CPT1A: variants seen among roughly 807,000 people sequenced by gnomAD.
The protein encoded by CPT1A is carnitine O-palmitoyltransferase 1, liver isoform.
In CPT1A, 64 loss-of-function variants were observed where a neutral mutation model predicts 100.8. That is an observed-to-expected ratio of 0.63 (90% CI 0.52 to 0.78). CPT1A has a LOEUF of 0.78. Ranked by LOEUF, CPT1A falls within the 30% of genes least tolerant of loss-of-function variation. The pLI, the probability that CPT1A is intolerant of heterozygous loss-of-function variation, is 0.00. For missense variants in CPT1A, 802 were observed against 1,034.1 expected, an observed-to-expected ratio of 0.78 and a Z score of 3.08; for synonymous variants, 363 against 396.0, an observed-to-expected ratio of 0.92 and a Z score of 0.99.
intron 5 of CPT1A, among the ~76,000 whole-genome samples, chr11:68,803,072 T>G (rs908003987): frequency 4.6e-5 from 7 of 152,084 alleles, no homozygotes; most frequent in South Asian, 2.1e-4. Context: ...CACCCCACCC[T>G]CAGCTGGTGA....
intron 1 of CPT1A, among the ~76,000 whole-genome samples, chr11:68,837,096 CT>C (rs1227647678): frequency 1.3e-5 from 2 of 152,176 alleles, no homozygotes; most frequent in African/African-American, 4.8e-5. Context: ...GTCAACCAGG[CT>C]GGAGTGCAGT....
intron 1 of CPT1A, among the ~76,000 whole-genome samples, chr11:68,828,716 G>T (rs1476992010): frequency 1.4e-5 from 2 of 144,806 alleles, no homozygotes; most frequent in East Asian, 4.0e-4. Context: ...GGTGGCAGGG[G>T]CATGGCATGG....
intron 14 of CPT1A, 62 bp downstream of exon 14, chr11:68,773,203 C>A (rs1330649561): frequency 6.2e-7 from 1 of 1,608,284 alleles, no homozygotes; most frequent in African/African-American, 1.3e-5. Flanking sequence ...GGTGAACAGT[C>A]TTGGGCAGGT....
chr11:68,787,588 G>C (rs1855498740), intron 9 of CPT1A, among the ~76,000 whole-genome samples: 1 of 152,094 alleles, frequency 6.6e-6, no homozygotes, highest in South Asian at 2.1e-4. Context: ...TTTGGAGATG[G>C]GGTCTTTAAT....
intron 5 of CPT1A, among the ~76,000 whole-genome samples, chr11:68,801,822 G>A (rs951096797): frequency 2.6e-5 from 4 of 152,234 alleles, no homozygotes; most frequent in Non-Finnish European, 4.4e-5. Flanking sequence ...GTGCAGCTGC[G>A]TGAGAGTCTC....
At position 68,784,812 on chromosome 11, in the gene CPT1A, C is replaced by T. The variant is rs772878042; in HGVS notation, c.1163+3G>A. On this transcript the variant is annotated splice_donor_region_variant and intron_variant, in intron 10 of 18. Transcript: ENST00000265641. ...AACAGGACAAGGGACCTAGGCTGCG[C>T]ACCTGTCTCCTGCGGTGAGGGCTGC... The T allele has an allele frequency of 1.2e-6, 2 of 1,607,518 alleles. No individual in the cohort carries two copies. Among genetic ancestry groups the T allele is most frequent in the East Asian group, 2.2e-5 (1 of 44,834 alleles).
At chr11:68,831,637 C>CTTTT (rs11372679) in intron 1 of CPT1A, among the ~76,000 whole-genome samples, 8,227 of 142,794 alleles carry the variant, frequency 0.058, 359 homozygotes, top group South Asian at 0.13. Flanking sequence ...CAGCACATTC[C>CTTTT]TTTTTTTTTT....
intron 2 of CPT1A, among the ~76,000 whole-genome samples, chr11:68,812,968 C>T (rs756313682): frequency 1.3e-5 from 2 of 151,728 alleles, no homozygotes; most frequent in South Asian, 4.2e-4. Context: ...CTCCTCTTGC[C>T]GCCCCTGTGT....
chr11:68,780,829 A>G, intron 11 of CPT1A, 84 bp from the exon 12 acceptor site: 3 of 995,506 alleles, frequency 3.0e-6, no homozygotes, highest in Non-Finnish European at 4.8e-6. Flanking sequence ...TTCATCCTGG[A>G]TGGACTAATT....
chr11:68,796,766 C>T (rs1464480533), intron 7 of CPT1A, 90 bp downstream of exon 7: 9 of 1,279,188 alleles, frequency 7.0e-6, no homozygotes, highest in Admixed American at 1.9e-5. Flanking sequence ...TTTCCCAGGC[C>T]GTCCACAGGC....
In CPT1A at chr11:68,755,790, A is replaced by AT. The variant is rs1412896205; in HGVS notation, c.*1853dup. 1 of 130,934 alleles carries AT rather than the reference A, an allele frequency of 7.6e-6. No homozygotes were observed. Among genetic ancestry groups the AT allele is most frequent in the Non-Finnish European group, 1.6e-5 (1 of 62,900 alleles). 8.1% of individuals were successfully genotyped at this position (130,934 alleles called of 1,614,324 possible). A position where few individuals can be genotyped will look rare whatever the true frequency, so the allele number is the denominator to read the frequency against. The stretch of plus-strand genomic sequence containing the variant: ...AAAATCTTTGGCCCATAAAGGTGGG[A>AT]TTTTTACATCATGAAGTATACATAC... On this transcript the variant is annotated 3_prime_UTR_variant, in exon 19 of 19. Transcript: ENST00000265641.
intron 5 of CPT1A, among the ~76,000 whole-genome samples, chr11:68,802,004 C>G (rs1855913397): frequency 6.6e-6 from 1 of 152,158 alleles, no homozygotes; most frequent in South Asian, 2.1e-4. Context: ...CGGGTGAACT[C>G]TAAAGACATG....
rs146061929 is a variant in CPT1A at position 68,758,532 on chromosome 11, A to G, written c.2236-802T>C. On this transcript the variant is annotated intron_variant, in intron 18 of 18. Transcript: ENST00000265641. ...TCTTCCAAGTGCTAAAGAGTCTGAA[A>G]GTTACAGCAGCACTCCAACGTTAAG... is the stretch of plus-strand genomic sequence containing the variant. Among the ~76,000 whole-genome samples the G allele has an allele frequency of 8.7e-4, 133 of 152,220 alleles. No homozygotes were observed. The Middle Eastern group carries it at 0.01, about 12-fold the overall frequency.
chr11:68,840,648 C>CT (rs577045519), intron 1 of CPT1A, among the ~76,000 whole-genome samples: 5 of 152,282 alleles, frequency 3.3e-5, no homozygotes, highest in African/African-American at 1.2e-4. Context: ...GAGTTGTTTT[C>CT]TTTTTTTAAA....
intron 1 of CPT1A, among the ~76,000 whole-genome samples, chr11:68,838,578 A>AAAAAAAAAAC (rs1857075289): frequency 6.9e-6 from 1 of 144,292 alleles, no homozygotes. Context: ...TTTTTAAAAA[A>AAAAAAAAAAC]AAAAAAAAAA....
At chr11:68,820,658 G>A (rs1856557623) in intron 1 of CPT1A, among the ~76,000 whole-genome samples, 1 of 152,116 alleles carries the variant, frequency 6.6e-6, no homozygotes, top group Admixed American at 6.5e-5. Context: ...CTTCAGCCTG[G>A]GGTACAGAGT....
At position 68,757,285 on chromosome 11, in the gene CPT1A, G is replaced by T. The variant is rs954784867; in HGVS notation, c.*359C>A. The T allele has an allele frequency of 2.9e-5, 34 of 1,157,528 alleles. No individual in the cohort carries two copies. The highest frequency in any genetic ancestry group is 3.6e-5 in the Non-Finnish European group (34 of 931,826). The allele number at this position is 1,157,528 out of a possible 1,614,324, so 71.7% of individuals were successfully genotyped here. On this transcript the variant is annotated 3_prime_UTR_variant, in exon 19 of 19. Transcript: ENST00000265641. ...AAATGCCCTTAAGCACTAGGCCTTC[G>T]GTTGCCACTGAGAAAGCACACCATT...
intron 7 of CPT1A, among the ~76,000 whole-genome samples, chr11:68,795,301 G>T (rs1855725977): frequency 6.6e-6 from 1 of 152,178 alleles, no homozygotes; most frequent in Non-Finnish European, 1.5e-5. Context: ...TCTAAATTTT[G>T]AGACCCTGTT....
At chr11:68,782,493 C>A (rs1334502517) in intron 10 of CPT1A, among the ~76,000 whole-genome samples, 1 of 152,188 alleles carries the variant, frequency 6.6e-6, no homozygotes, top group African/African-American at 2.4e-5. Flanking sequence ...GAGGCAGAGT[C>A]GGAACCCAGG....
Sources: gnomAD v4.1 joint callset for allele counts (sites outside exome capture counted in the v4.1 genomes callset) on GRCh38, gnomAD v4.1.1 for gene constraint, MANE v1.5 for transcripts, NCBI Gene and HGNC (gene_info 2026-07-23, HGNC 2026-07-21) for gene names.